The following ZYG11B variants were observed in gnomAD, a reference collection of about 807,000 sequenced individuals.
The protein encoded by ZYG11B is zyg-11 family member B, cell cycle regulator.
A neutral mutation model predicts 82.4 loss-of-function variants in ZYG11B; 36 were observed. The ratio of observed to expected loss-of-function variants is 0.44; its 90% CI spans 0.33 to 0.58. ZYG11B has a LOEUF of 0.58. Among genes scored for constraint, ZYG11B ranks in the 20% least tolerant of loss-of-function variants. ZYG11B has a pLI of 0.02. For missense variants in ZYG11B, 552 were observed against 895.6 expected, an observed-to-expected ratio of 0.62 and a Z score of 4.90; for synonymous variants, 303 against 312.8, an observed-to-expected ratio of 0.97 and a Z score of 0.33.
chr1:52,803,442 GA>G (rs57750852), intron 10 of ZYG11B, among the ~76,000 whole-genome samples: 20,780 of 119,200 alleles, frequency 0.17, 2,369 homozygotes, highest in African/African-American at 0.37. Context: ...CATCTCAAAA[GA>G]AAAAAAAAAA....
chr1:52,757,377 TA>T (rs1644587384), intron 2 of ZYG11B, among the ~76,000 whole-genome samples: 1 of 151,926 alleles, frequency 6.6e-6, no homozygotes, highest in Admixed American at 6.6e-5. Flanking sequence ...TTTGCCAGTA[TA>T]AAATACCTTA....
chr1:52,800,289 G>T (rs12742933), intron 8 of ZYG11B, among the ~76,000 whole-genome samples: 14 of 142,680 alleles, frequency 9.8e-5, no homozygotes, highest in Non-Finnish European at 2.1e-4. Context: ...AAAAAAAAAA[G>T]AAAAATGATT....
chr1:52,801,107 T>A (rs1373235593), intron 8 of ZYG11B, among the ~76,000 whole-genome samples: 1 of 152,098 alleles, frequency 6.6e-6, no homozygotes, highest in African/African-American at 2.4e-5. Context: ...ATTATCTTCT[T>A]GTTTTTTTGA....
At chr1:52,762,570 A>G (rs952602170) in intron 2 of ZYG11B, among the ~76,000 whole-genome samples, 18 of 151,028 alleles carry the variant, frequency 1.2e-4, no homozygotes, top group Admixed American at 1.1e-3. Context: ...TGTTTCCACT[A>G]TATTTTATTT....
chr1:52,754,839 A>G (rs1439156466), intron 1 of ZYG11B, among the ~76,000 whole-genome samples: 1 of 152,014 alleles, frequency 6.6e-6, no homozygotes, highest in African/African-American at 2.4e-5. Context: ...TAGCTCTACT[A>G]TTTAGGACCT....
intron 1 of ZYG11B, among the ~76,000 whole-genome samples, chr1:52,742,601 C>G (rs527594599): frequency 2.8e-4 from 43 of 152,092 alleles, no homozygotes; most frequent in Non-Finnish European, 5.6e-4. Context: ...CCAGCACTTT[C>G]GGAGGCGGAG....
chr1:52,762,252 A>C (rs1280445868), intron 2 of ZYG11B, among the ~76,000 whole-genome samples: 4 of 143,330 alleles, frequency 2.8e-5, no homozygotes, highest in Non-Finnish European at 4.5e-5. Context: ...TCTGTTATGC[A>C]GGCTGGAGTA....
chr1:52,740,354 T>A (rs1319911953), intron 1 of ZYG11B, among the ~76,000 whole-genome samples: 1 of 152,210 alleles, frequency 6.6e-6, no homozygotes, highest in Non-Finnish European at 1.5e-5. Flanking sequence ...ACATATCCAC[T>A]TGCCATAGTG....
chr1:52,790,496 C>T (rs1475155905), intron 6 of ZYG11B, among the ~76,000 whole-genome samples: 5 of 151,972 alleles, frequency 3.3e-5, no homozygotes, highest in Non-Finnish European at 7.4e-5. Context: ...TTTAGGAGGC[C>T]AAAGCGGGAG....
chr1:52,731,636 C>T (rs1180475444), intron 1 of ZYG11B, among the ~76,000 whole-genome samples: 2 of 151,896 alleles, frequency 1.3e-5, no homozygotes, highest in Non-Finnish European at 2.9e-5. Flanking sequence ...ACATGGGGTA[C>T]AGGGAGGGGA....
intron 10 of ZYG11B, among the ~76,000 whole-genome samples, chr1:52,808,335 G>A (rs577655640): frequency 6.6e-6 from 1 of 152,136 alleles, no homozygotes; most frequent in Non-Finnish European, 1.5e-5. Flanking sequence ...TTGCACTCCA[G>A]CCTGGGCAAC....
chr1:52,801,276 A>G (rs1056569034), intron 8 of ZYG11B, among the ~76,000 whole-genome samples: 2 of 151,714 alleles, frequency 1.3e-5, no homozygotes, highest in African/African-American at 4.9e-5. Context: ...CTTTTATTGT[A>G]TGTAGTTTTT....
At chr1:52,737,816 T>C (rs1163493383) in intron 1 of ZYG11B, among the ~76,000 whole-genome samples, 3 of 152,210 alleles carry the variant, frequency 2.0e-5, no homozygotes, top group Non-Finnish European at 4.4e-5. Flanking sequence ...GTGTGTTTGA[T>C]AGAGAATTGC....
intron 2 of ZYG11B, among the ~76,000 whole-genome samples, chr1:52,762,604 A>G (rs1644641683): frequency 6.6e-6 from 1 of 151,558 alleles, no homozygotes; most frequent in Non-Finnish European, 1.5e-5. Context: ...TTTTGAGACG[A>G]AGTTTTGCTC....
chr1:52,813,074 T>C (rs969283690), intron 10 of ZYG11B, among the ~76,000 whole-genome samples: 1 of 152,212 alleles, frequency 6.6e-6, no homozygotes, highest in African/African-American at 2.4e-5. Context: ...TCAAATACTT[T>C]GCTTATTATA....
rs555644548 is a variant in ZYG11B, at chr1:52,783,995, T to TAGAGAG, written c.1093-881_1093-880insGAGAGA. 2.0e-3 allele frequency among the ~76,000 whole-genome samples: 160 copies of TAGAGAG among 79,920 alleles called. 2 individuals carry two copies. Among genetic ancestry groups the TAGAGAG allele is most frequent in the African/African-American group, 0.011 (152 of 13,708 alleles). 52.4% of individuals were successfully genotyped at this position (79,920 alleles called of 152,430 possible). On this transcript the variant is annotated intron_variant, in intron 4 of 13. Coordinates refer to ENST00000294353, the MANE Select transcript of ZYG11B (RefSeq NM_024646.3). ...ATACACACACACACACATATATATA[T>TAGAGAG]ATAGAGAGAGAGAGAGATGGAGTTT...
intron 2 of ZYG11B, among the ~76,000 whole-genome samples, chr1:52,763,867 A>C (rs1644657892): frequency 1.3e-5 from 2 of 152,182 alleles, no homozygotes; most frequent in South Asian, 4.1e-4. Context: ...TTCAGGATAA[A>C]ACTGAAAATT....
intron 10 of ZYG11B, among the ~76,000 whole-genome samples, chr1:52,804,321 T>C (rs1017502806): frequency 3.3e-5 from 5 of 151,960 alleles, no homozygotes; most frequent in Non-Finnish European, 5.9e-5. Flanking sequence ...ACTTAAAGAC[T>C]GCTTACGAAG....
chr1:52,770,072 C>CTA (rs781732048), intron 2 of ZYG11B, among the ~76,000 whole-genome samples: 2,792 of 112,862 alleles, frequency 0.025, 59 homozygotes, highest in Non-Finnish European at 0.028. Flanking sequence ...GCTGTAACTA[C>CTA]TATATATATA....
Sources: gnomAD v4.1 joint callset for allele counts (sites outside exome capture counted in the v4.1 genomes callset) on GRCh38, gnomAD v4.1.1 for gene constraint, MANE v1.5 for transcripts, NCBI Gene and HGNC (gene_info 2026-07-23, HGNC 2026-07-21) for gene names.